CDH12: variants seen among roughly 807,000 people sequenced by gnomAD.
CDH12 encodes cadherin-12.
CDH12 carries 41 observed loss-of-function variants against 74.1 expected under a neutral mutation model. That is an observed-to-expected ratio of 0.55 (90% confidence interval 0.43 to 0.72). The LOEUF is 0.72. CDH12 is among the 30% of genes least tolerant of loss of function. CDH12 has a pLI of 0.00. For synonymous variants in CDH12, 399 were observed against 355.0 expected (o/e 1.12, Z -1.39); for missense variants, 945 against 977.2 (o/e 0.97, Z 0.44).
chr5:21,762,332 T>C (rs942151496), intron 12 of CDH12, among the ~76,000 whole-genome samples: 1 of 152,138 alleles, frequency 6.6e-6, no homozygotes, highest in Non-Finnish European at 1.5e-5. Context: ...CTGATTTACA[T>C]AGCATAATCT....
chr5:22,811,114 C>T (rs1749125681), intron 1 of CDH12, among the ~76,000 whole-genome samples: 1 of 150,976 alleles, frequency 6.6e-6, no homozygotes, highest in African/African-American at 2.4e-5. Context: ...TGTATATATA[C>T]ATATACATAT....
At chr5:21,860,014 G>GT (rs1750951074) in intron 6 of CDH12, among the ~76,000 whole-genome samples, 2 of 151,290 alleles carry the variant, frequency 1.3e-5, no homozygotes, top group South Asian at 2.1e-4. Flanking sequence ...ACTCCACCAG[G>GT]TAAAAAAAAA....
At chr5:22,022,733 A>G (rs1317528367) in intron 5 of CDH12, among the ~76,000 whole-genome samples, 3 of 152,150 alleles carry the variant, frequency 2.0e-5, no homozygotes, top group Non-Finnish European at 4.4e-5. Context: ...TGCTCACCCT[A>G]TATAACTTTG....
intron 6 of CDH12, among the ~76,000 whole-genome samples, chr5:21,886,683 G>C: frequency 6.6e-6 from 1 of 150,612 alleles, no homozygotes; most frequent in South Asian, 2.1e-4. Flanking sequence ...TTACACATAA[G>C]CACTTAATCT....
chr5:22,077,751 C>T (rs945935220), intron 5 of CDH12, among the ~76,000 whole-genome samples: 10 of 151,550 alleles, frequency 6.6e-5, no homozygotes, highest in South Asian at 2.1e-4. Context: ...TAGTTGCCAC[C>T]GAGTATTTTG....
At chr5:21,844,804 T>C (rs1750067938) in intron 7 of CDH12, among the ~76,000 whole-genome samples, 1 of 152,124 alleles carries the variant, frequency 6.6e-6, no homozygotes, top group African/African-American at 2.4e-5. Flanking sequence ...TCCAGATAAA[T>C]AGACAGATAG....
intron 4 of CDH12, among the ~76,000 whole-genome samples, chr5:22,102,336 G>T (rs918322167): frequency 1.3e-5 from 2 of 152,044 alleles, no homozygotes; most frequent in African/African-American, 4.8e-5. Flanking sequence ...AAAGTAGTGC[G>T]ATGGTTTGAA....
intron 1 of CDH12, among the ~76,000 whole-genome samples, chr5:22,825,224 GTA>G (rs1736227035): frequency 6.6e-6 from 1 of 151,978 alleles, no homozygotes. Flanking sequence ...TTTGGTGTGG[GTA>G]TGTGTGTGTG....
intron 1 of CDH12, among the ~76,000 whole-genome samples, chr5:22,759,222 A>C (rs1746084133): frequency 6.6e-6 from 1 of 152,088 alleles, no homozygotes. Context: ...AAAAAAACTT[A>C]GATTGATTTC....
intron 3 of CDH12, 49 bp downstream of exon 3, chr5:22,405,208 T>TAA: frequency 1.9e-6 from 1 of 520,780 alleles, no homozygotes; most frequent in Non-Finnish European, 2.5e-6. Flanking sequence ...AAACTGTCTT[T>TAA]AAAAAAAATA....
intron 6 of CDH12, among the ~76,000 whole-genome samples, chr5:21,933,596 C>A (rs1400222558): frequency 6.6e-6 from 1 of 152,080 alleles, no homozygotes; most frequent in Non-Finnish European, 1.5e-5. Context: ...CTGGGGGGAT[C>A]CTCTTTTGAC....
At chr5:22,234,201 T>C (rs548464306) in intron 3 of CDH12, among the ~76,000 whole-genome samples, 4 of 152,212 alleles carry the variant, frequency 2.6e-5, no homozygotes, top group African/African-American at 7.2e-5. Context: ...AATGAAACAA[T>C]AAAACAAAAC....
At chr5:22,728,235 C>T (rs1379553868) in intron 1 of CDH12, among the ~76,000 whole-genome samples, 1 of 151,402 alleles carries the variant, frequency 6.6e-6, no homozygotes, top group Admixed American at 6.6e-5. Flanking sequence ...CTAGTATTTC[C>T]ATGTGGCAGA....
intron 1 of CDH12, among the ~76,000 whole-genome samples, chr5:22,776,516 C>T (rs1433513398): frequency 6.6e-6 from 1 of 151,996 alleles, no homozygotes; most frequent in Non-Finnish European, 1.5e-5. Context: ...ATTGCGTACA[C>T]AGAGCTCTAT....
intron 6 of CDH12, among the ~76,000 whole-genome samples, chr5:21,912,660 A>C (rs1479291411): frequency 1.3e-5 from 2 of 152,156 alleles, no homozygotes; most frequent in Non-Finnish European, 2.9e-5. Context: ...TAGACAGTAG[A>C]ATCATTCAAG....
intron 5 of CDH12, among the ~76,000 whole-genome samples, chr5:22,039,350 G>T (rs894451892): frequency 6.6e-6 from 1 of 152,012 alleles, no homozygotes; most frequent in Non-Finnish European, 1.5e-5. Flanking sequence ...CTACTAGGGG[G>T]TGCCTCAGAG....
intron 3 of CDH12, among the ~76,000 whole-genome samples, chr5:22,340,873 C>A (rs192713046): frequency 6.6e-6 from 1 of 152,112 alleles, no homozygotes; most frequent in African/African-American, 2.4e-5. Flanking sequence ...AAGAAAAATA[C>A]CTACCCTTTT....
intron 1 of CDH12, among the ~76,000 whole-genome samples, chr5:22,539,268 T>C (rs1365068224): frequency 6.6e-6 from 1 of 152,206 alleles, no homozygotes; most frequent in Non-Finnish European, 1.5e-5. Flanking sequence ...AAGGAGTCTT[T>C]CTTGACTGTA....
At chr5:22,830,391 G>A (rs917122119) in intron 1 of CDH12, among the ~76,000 whole-genome samples, 6 of 151,942 alleles carry the variant, frequency 3.9e-5, no homozygotes, top group South Asian at 2.1e-4. Flanking sequence ...TTACAGCATA[G>A]TTCATGAATA....
Sources: gnomAD v4.1 joint callset for allele counts (sites outside exome capture counted in the v4.1 genomes callset) on GRCh38, gnomAD v4.1.1 for gene constraint, MANE v1.5 for transcripts, NCBI Gene and HGNC (gene_info 2026-07-23, HGNC 2026-07-21) for gene names.